VPS50: variants seen among roughly 807,000 people sequenced by gnomAD.
VPS50 encodes syndetin.
A neutral mutation model predicts 139.7 loss-of-function variants in VPS50; 70 were observed. The ratio of observed to expected loss-of-function variants is 0.50; its 90% CI spans 0.41 to 0.61. The LOEUF (loss-of-function observed/expected upper bound fraction) is 0.61, where lower values mean the gene tolerates loss of function less well. VPS50 is among the 20% of genes least tolerant of loss of function. The probability of loss-of-function intolerance (pLI) is 0.00; values close to 1 mark genes in which losing one functional copy is unlikely to be tolerated. For missense variants in VPS50, 921 were observed against 1,133.7 expected (o/e 0.81, Z 2.69); for synonymous variants, 365 against 376.7 (o/e 0.97, Z 0.36).
chr7:93,270,250 A>C (rs1795964542), intron 9 of VPS50, among the ~76,000 whole-genome samples: 2 of 152,030 alleles, frequency 1.3e-5, no homozygotes, highest in Admixed American at 1.3e-4. Flanking sequence ...TACCACCTAG[A>C]AGTAGAAACA....
Position 93,360,910 on chromosome 7 carries a change from A to T in VPS50, c.*2474A>T, listed in dbSNP as rs1184992808. On this transcript the variant is annotated 3_prime_UTR_variant, in exon 28 of 28. Coordinates refer to ENST00000305866, the MANE Select transcript of VPS50 (RefSeq NM_017667.4). ...TTTAACTAATAAACTCATTTACACA[A>T]CTTATTAAATGAATTTCTCTTGAAA... 1 of 151,986 alleles carries T rather than the reference A, an allele frequency of 6.6e-6. No individual in the cohort carries two copies. The highest frequency in any genetic ancestry group is 2.4e-5 in the African/African-American group (1 of 41,410). 9.4% of individuals were successfully genotyped at this position (151,986 alleles called of 1,614,324 possible). A position where few individuals can be genotyped will look rare whatever the true frequency, so the allele number is the denominator to read the frequency against.
chr7:93,326,287 G>T (rs1440536438), intron 21 of VPS50, among the ~76,000 whole-genome samples: 3 of 119,824 alleles, frequency 2.5e-5, no homozygotes, highest in African/African-American at 9.4e-5. Flanking sequence ...TCACACTCTG[G>T]GGACTGTTGT....
chr7:93,233,107 T>TA (rs2116749919), intron 1 of VPS50, among the ~76,000 whole-genome samples: 1 of 152,362 alleles, frequency 6.6e-6, no homozygotes, highest in Non-Finnish European at 1.5e-5. Flanking sequence ...CATGGCAAAA[T>TA]ACTGATCTTT....
intron 2 of VPS50, among the ~76,000 whole-genome samples, chr7:93,249,322 A>AAG (rs950379952): frequency 2.0e-5 from 3 of 151,574 alleles, no homozygotes; most frequent in African/African-American, 4.8e-5. Flanking sequence ...GAGAGAGAGA[A>AAG]AGAGAGAGAG....
intron 21 of VPS50, among the ~76,000 whole-genome samples, chr7:93,325,356 A>C (rs1279046274): frequency 6.6e-6 from 1 of 152,086 alleles, no homozygotes; most frequent in East Asian, 1.9e-4. Context: ...CCTAGAAGAA[A>C]ACCTAGGCAT....
chr7:93,329,507 A>G (rs1327220292), intron 21 of VPS50, among the ~76,000 whole-genome samples: 2 of 151,920 alleles, frequency 1.3e-5, no homozygotes, highest in African/African-American at 4.8e-5. Flanking sequence ...ATGGAGAAGA[A>G]GAGAGAGAGA....
At chr7:93,243,485 T>C (rs1345405468) in intron 2 of VPS50, among the ~76,000 whole-genome samples, 1 of 152,006 alleles carries the variant, frequency 6.6e-6, no homozygotes, top group Non-Finnish European at 1.5e-5. Flanking sequence ...ATAGAGGAAC[T>C]GTTCTAAAAA....
At chr7:93,343,741 T>C (rs1489752626) in intron 23 of VPS50, among the ~76,000 whole-genome samples, 1 of 151,902 alleles carries the variant, frequency 6.6e-6, no homozygotes, top group Non-Finnish European at 1.5e-5. Flanking sequence ...GCTTCATAAG[T>C]GAAGGAGAAA....
intron 9 of VPS50, among the ~76,000 whole-genome samples, chr7:93,267,829 C>T (rs1206823955): frequency 6.6e-6 from 1 of 152,156 alleles, no homozygotes; most frequent in East Asian, 1.9e-4. Context: ...GTGCTGTGCA[C>T]AGTACGTATG....
At chr7:93,326,291 C>G (rs1279277995) in intron 21 of VPS50, among the ~76,000 whole-genome samples, 1 of 93,312 alleles carries the variant, frequency 1.1e-5, no homozygotes, top group Non-Finnish European at 1.9e-5. Flanking sequence ...ACTCTGGGGA[C>G]TGTTGTGGGG....
rs1797101548 is a variant in VPS50, at chr7:93,305,900, A to G, written c.1525A>G (p.Lys509Glu). Reference sequence around the variant, plus strand: ...TAAACAGCCAGTCTCAACTTCTTCAAAAACAGTGACCTTGTTTGAGCAGTA... The same window carrying G: ...TAAACAGCCAGTCTCAACTTCTTCAGAAACAGTGACCTTGTTTGAGCAGTA... Reference protein sequence around the residue: ...PSKQPVSTSSKTVTLFEQYCS... With the variant: ...PSKQPVSTSSETVTLFEQYCS... The change falls in exon 18 of 28, where the codon AAA (lysine) becomes GAA (glutamate). Residue 509 changes from lysine (K) to glutamate (E), a missense_variant. Lys to Glu is a moderately conservative substitution (Grantham distance 56). Around this residue, in one of 3 missense-constraint regions of VPS50, gnomAD observed 744 missense variants for 930.6 expected, o/e 0.80. Coordinates refer to ENST00000305866, the MANE Select transcript of VPS50 (RefSeq NM_017667.4). 1 of 1,612,354 alleles carries G rather than the reference A, an allele frequency of 6.2e-7. No homozygotes were observed. Among genetic ancestry groups the G allele is most frequent in the Non-Finnish European group, 8.5e-7 (1 of 1,178,596 alleles).
At chr7:93,305,776 A>T in intron 17 of VPS50, 52 bp from the exon 18 acceptor site, 1 of 1,329,488 alleles carries the variant, frequency 7.5e-7, no homozygotes, top group Non-Finnish European at 1.1e-6. Context: ...CGGTTTATGT[A>T]CTAGAATTTT....
At chr7:93,306,762 C>T (rs1797127305) in intron 18 of VPS50, among the ~76,000 whole-genome samples, 1 of 151,558 alleles carries the variant, frequency 6.6e-6, no homozygotes, top group African/African-American at 2.4e-5. Flanking sequence ...CCATAATGAC[C>T]CAATATGATT....
In VPS50 at chr7:93,341,502, A is replaced by T. The variant is rs776072470; in HGVS notation, c.2134A>T (p.Ser712Cys). 6.8e-6 allele frequency: 11 copies of T among 1,610,658 alleles called. No individual in the cohort carries two copies. Among genetic ancestry groups the T allele is most frequent in the Non-Finnish European group, 9.3e-6 (11 of 1,177,126 alleles). Residue 712 changes from serine to cysteine, a missense_variant, in exon 23 of 28, where the codon AGT becomes TGT. By Grantham distance (112) the Ser-to-Cys change is moderately radical (BLOSUM62 -1). Coordinates refer to ENST00000305866, the MANE Select transcript of VPS50 (RefSeq NM_017667.4). ...GGAGAAGGTGCCAAGTCCACACCTC[A>T]GTCACCTAGTGGTTTTGACATCTGG... ...RKEKVPSPHL[S>C]HLVVLTSGDT...
intron 22 of VPS50, among the ~76,000 whole-genome samples, chr7:93,341,188 G>A (rs1798199367): frequency 7.8e-6 from 1 of 128,278 alleles, no homozygotes; most frequent in Non-Finnish European, 1.6e-5. Flanking sequence ...CAGACTTTAG[G>A]TCATGTACAG....
At chr7:93,345,253 C>T (rs1435021043) in intron 23 of VPS50, among the ~76,000 whole-genome samples, 1 of 152,184 alleles carries the variant, frequency 6.6e-6, no homozygotes, top group Non-Finnish European at 1.5e-5. Context: ...TTCCTCGACA[C>T]ATACACTCTC....
chr7:93,354,519 C>G (rs939250408), intron 26 of VPS50, among the ~76,000 whole-genome samples: 1 of 151,990 alleles, frequency 6.6e-6, no homozygotes, highest in Non-Finnish European at 1.5e-5. Flanking sequence ...TTCTTGATCT[C>G]CTGGCCTCAA....
At chr7:93,338,176 A>C (rs775576597) in intron 22 of VPS50, among the ~76,000 whole-genome samples, 1 of 152,164 alleles carries the variant, frequency 6.6e-6, no homozygotes, top group Admixed American at 6.5e-5. Flanking sequence ...AAAACGAGCT[A>C]TGTGATGAGG....
intron 21 of VPS50, chr7:93,333,866 ACT>A (rs1798001996): frequency 2.5e-6 from 1 of 407,348 alleles, no homozygotes; most frequent in Non-Finnish European, 4.4e-6. Context: ...ATTCTGGAGA[ACT>A]CTCTCCTGAT....
Sources: allele counts gnomAD v4.1 joint callset (sites outside exome capture counted in the v4.1 genomes callset), GRCh38; gene constraint gnomAD v4.1.1; regional missense constraint gnomAD v4.1.1; transcripts MANE v1.5; gene names NCBI Gene and HGNC (gene_info 2026-07-23, HGNC 2026-07-21).